YIPF6: variants seen among roughly 807,000 people sequenced by gnomAD.
YIPF6 encodes Yip1 domain family member 6.
In YIPF6, 3 loss-of-function variants were observed where a neutral mutation model predicts 16.8. The ratio of observed to expected loss-of-function variants is 0.18; its 90% CI spans 0.08 to 0.46. The LOEUF is 0.46. Among genes scored for constraint, YIPF6 ranks in the 20% least tolerant of loss-of-function variants. YIPF6 has a pLI of 0.98. For missense variants in YIPF6, 145 were observed against 184.9 expected (o/e 0.78, Z 1.25); for synonymous variants, 67 against 61.9 (o/e 1.08, Z -0.38).
chrX:68,519,323 G>GA (rs1359779694), intron 4 of YIPF6, among the ~76,000 whole-genome samples: 1 of 110,768 alleles, frequency 9.0e-6, no homozygotes, highest in African/African-American at 3.3e-5. Context: ...GATAGAGCGG[G>GA]AAAAAATACT....
At chrX:68,530,911 G>A (rs1343519017) in intron 6 of YIPF6, among the ~76,000 whole-genome samples, 1 of 110,826 alleles carries the variant, frequency 9.0e-6, no homozygotes, top group Non-Finnish European at 1.9e-5. Context: ...GTTCCTATTC[G>A]GCCATCTTGC....
chrX:68,530,674 G>A (rs886723631), intron 6 of YIPF6, among the ~76,000 whole-genome samples: 8 of 110,694 alleles, frequency 7.2e-5, no homozygotes, highest in Admixed American at 9.6e-5. Context: ...GGAATGCACC[G>A]TTCCTCATGG....
At chrX:68,520,447 G>T (rs1436581945) in intron 4 of YIPF6, among the ~76,000 whole-genome samples, 1 of 111,620 alleles carries the variant, frequency 9.0e-6, no homozygotes, top group Admixed American at 9.6e-5. Context: ...CAACTAAAAA[G>T]GTTTATAGAC....
intron 1 of YIPF6, among the ~76,000 whole-genome samples, chrX:68,508,903 A>T (rs954036997): frequency 1.8e-5 from 2 of 111,453 alleles, no homozygotes; most frequent in Non-Finnish European, 3.8e-5. Context: ...GACATCATGT[A>T]CACACTGCTA....
At chrX:68,515,554 G>C (rs1364699101) in intron 3 of YIPF6, among the ~76,000 whole-genome samples, 1 of 111,228 alleles carries the variant, frequency 9.0e-6, no homozygotes, top group Non-Finnish European at 1.9e-5. Context: ...CTCTGTATCT[G>C]TCCTATTGGA....
chrX:68,500,925 T>C (rs181322398), intron 1 of YIPF6, among the ~76,000 whole-genome samples: 1 of 112,069 alleles, frequency 8.9e-6, no homozygotes, highest in Admixed American at 9.5e-5. Context: ...CTAAATGAGA[T>C]AATATATACA....
chrX:68,512,600 G>A (rs1016954099), intron 2 of YIPF6, among the ~76,000 whole-genome samples: 5 of 111,928 alleles, frequency 4.5e-5, no homozygotes, highest in Non-Finnish European at 7.5e-5. Context: ...GTTTATTATA[G>A]CATTCTTTGT....
intron 1 of YIPF6, among the ~76,000 whole-genome samples, chrX:68,506,731 AT>A (rs981926075): frequency 1.8e-5 from 2 of 110,001 alleles, no homozygotes; most frequent in Non-Finnish European, 1.9e-5. Flanking sequence ...TAAATAAGAA[AT>A]TTTTTTTTGA....
intron 6 of YIPF6, among the ~76,000 whole-genome samples, chrX:68,527,913 A>G (rs1261380276): frequency 9.0e-6 from 1 of 111,479 alleles, no homozygotes; most frequent in Non-Finnish European, 1.9e-5. Flanking sequence ...TTTACTTCCA[A>G]TTATGTGGTC....
chrX:68,499,726 C>T (rs1465286531), intron 1 of YIPF6, among the ~76,000 whole-genome samples: 1 of 112,279 alleles, frequency 8.9e-6, no homozygotes, highest in Non-Finnish European at 1.9e-5. Flanking sequence ...CAACCTCTGC[C>T]TCCCAGGCTC....
At chrX:68,531,198 C>T (rs990108480) in intron 6 of YIPF6, among the ~76,000 whole-genome samples, 17 of 111,437 alleles carry the variant, frequency 1.5e-4, no homozygotes, top group South Asian at 3.8e-4. Flanking sequence ...CATCTTGGCT[C>T]ACTGCAACCT....
chrX:68,518,523 G>A (rs982162091), intron 3 of YIPF6, among the ~76,000 whole-genome samples: 1 of 110,930 alleles, frequency 9.0e-6, no homozygotes, highest in Non-Finnish European at 1.9e-5. Context: ...GTGCCAGCAT[G>A]TGTCTTAGTA....
chrX:68,504,476 G>T (rs1386617217), intron 1 of YIPF6, among the ~76,000 whole-genome samples: 1 of 111,492 alleles, frequency 9.0e-6, no homozygotes, highest in African/African-American at 3.3e-5. Context: ...TACAAACTAC[G>T]TAAGGGCCTA....
chrX:68,526,158 C>T (rs1318883511), intron 6 of YIPF6, among the ~76,000 whole-genome samples: 1 of 111,523 alleles, frequency 9.0e-6, no homozygotes, highest in African/African-American at 3.3e-5. Context: ...TCTCTTATGT[C>T]CTTGAGCAGT....
At chrX:68,517,092 G>A (rs979522467) in intron 3 of YIPF6, among the ~76,000 whole-genome samples, 48 of 110,742 alleles carry the variant, frequency 4.3e-4, no homozygotes, top group African/African-American at 1.5e-3. Flanking sequence ...AAAGTGCTGG[G>A]ATTACAGGCA....
chrX:68,521,010 A>G (rs2079123518), intron 4 of YIPF6, among the ~76,000 whole-genome samples: 1 of 111,698 alleles, frequency 9.0e-6, no homozygotes, highest in African/African-American at 3.3e-5. Flanking sequence ...GAAATAAAAT[A>G]GTGTCAACTT....
rs1459007079 is a variant in YIPF6, at chrX:68,522,985, G to A, written c.592+68G>A. The A allele has an allele frequency of 6.9e-6, 8 of 1,155,272 alleles. No homozygotes were observed. The East Asian group carries it at 1.8e-4, about 26-fold the overall frequency. The stretch of plus-strand genomic sequence containing the variant: ...CATGATTTAATGATGAAGACCAGAT[G>A]AGGAGCAGTATAAGTCCAAAGTTAG... On this transcript the variant is annotated intron_variant, in intron 6 of 6. Transcript: ENST00000462683.
intron 6 of YIPF6, 70 bp from the exon 7 acceptor site, chrX:68,531,811 G>T: frequency 1.4e-6 from 1 of 739,321 alleles, no homozygotes. Context: ...TGAATGTTTA[G>T]TAAATGTTAA....
At chrX:68,502,849 C>T (rs1449812846) in intron 1 of YIPF6, among the ~76,000 whole-genome samples, 20 of 105,981 alleles carry the variant, frequency 1.9e-4, no homozygotes, top group African/African-American at 6.9e-4. Flanking sequence ...TTTTTTGAGC[C>T]GGAGTTTTGC....
Sources: allele counts gnomAD v4.1 joint callset (sites outside exome capture counted in the v4.1 genomes callset), GRCh38; gene constraint gnomAD v4.1.1; transcripts MANE v1.5; gene names NCBI Gene and HGNC (gene_info 2026-07-23, HGNC 2026-07-21).